The following TSPAN31 variants were observed in gnomAD, a reference collection of about 807,000 sequenced individuals.
The protein encoded by TSPAN31 is tetraspanin-31.
In TSPAN31, 16 loss-of-function variants were observed where a neutral mutation model predicts 24.8. The observed-to-expected ratio is 0.64, with a 90% CI of 0.44 to 0.98. TSPAN31 has a LOEUF of 0.98. Ranked by LOEUF, TSPAN31 falls within the 50% of genes least tolerant of loss-of-function variation. The pLI, the probability that TSPAN31 is intolerant of heterozygous loss-of-function variation, is 0.00. For synonymous variants in TSPAN31, 87 were observed against 91.4 expected (o/e 0.95, Z 0.27); for missense variants, 209 against 251.6 (o/e 0.83, Z 1.15).
chr12:57,745,874 G>C lies in TSPAN31; in HGVS notation c.193G>C (p.Val65Leu), dbSNP rs1565803219. The C allele has an allele frequency of 6.2e-7, 1 of 1,612,704 alleles. No homozygotes were observed. The highest frequency in any genetic ancestry group is 1.1e-5 in the South Asian group (1 of 90,986). ...FLLLIAVAGL[V>L]GAVNHHQVLL... Reference sequence around the variant, plus strand: ...TCTCCTTATTGCAGTGGCTGGACTGGTGGGTGCTGTCAACCACCACCAAGT... The same window carrying C: ...TCTCCTTATTGCAGTGGCTGGACTGCTGGGTGCTGTCAACCACCACCAAGT... The change falls in exon 2 of 6, where the codon GTG (valine) becomes CTG (leucine). Residue 65 changes from valine to leucine, a missense_variant. By Grantham distance (32) the Val-to-Leu change is conservative. Coordinates refer to ENST00000257910, the MANE Select transcript of TSPAN31 (RefSeq NM_005981.5).
At chr12:57,745,601 G>C (rs1271340338) in intron 1 of TSPAN31, 144 bp from the exon 2 acceptor site, 1 of 1,034,740 alleles carries the variant, frequency 9.7e-7, no homozygotes. Flanking sequence ...GGATGCTCCC[G>C]GTGCGGATAG....
In TSPAN31 at chr12:57,750,184, TAAATAAATAAA is replaced by T. The variant is rs1955218201; in HGVS notation, c.*2895_*2905del. On this transcript the variant is annotated 3_prime_UTR_variant, in exon 6 of 6. Coordinates refer to ENST00000257910, the MANE Select transcript of TSPAN31 (RefSeq NM_005981.5). ...ATAAATAAATAAATAAATAAATAAA[TAAATAAATAAA>T]TAAAAAATAAAGAGAATAAAGGGAT... is the stretch of plus-strand genomic sequence containing the variant. 6.7e-6 allele frequency: 1 copy of T among 149,520 alleles called. No individual in the cohort carries two copies. The highest frequency in any genetic ancestry group is 1.5e-5 in the Non-Finnish European group (1 of 67,422). 9.3% of individuals were successfully genotyped at this position (149,520 alleles called of 1,614,324 possible).
chr12:57,748,505 C>G lies in TSPAN31; in HGVS notation c.*1215C>G. The G allele has an allele frequency of 6.4e-7, 1 of 1,571,216 alleles. No homozygotes were observed. The highest frequency in any genetic ancestry group is 2.2e-5 in the East Asian group (1 of 44,624). ...GGGAAATGGCAGCTTTTCTTCCTTC[C>G]ATGGCAGCCACTCCATTGCTCACTC... On this transcript the variant is annotated 3_prime_UTR_variant, in exon 6 of 6. Coordinates refer to ENST00000257910, the MANE Select transcript of TSPAN31 (RefSeq NM_005981.5).
Position 57,747,341 on chromosome 12 carries a change from C to G in TSPAN31, c.*51C>G, listed in dbSNP as rs1300749850. 6.4e-7 allele frequency: 1 copy of G among 1,554,620 alleles called. No individual in the cohort carries two copies. Among genetic ancestry groups the G allele is most frequent in the Non-Finnish European group, 8.9e-7 (1 of 1,128,310 alleles). On this transcript the variant is annotated 3_prime_UTR_variant, in exon 6 of 6. Coordinates refer to ENST00000257910, the MANE Select transcript of TSPAN31 (RefSeq NM_005981.5). ...TCTGCTCTCTCTAAGCTTTCTCTTC[C>G]TCCCTTAGGGAATATCTAGGGTCTG...
In TSPAN31 at chr12:57,749,512, G is replaced by T. The variant is rs536249985; in HGVS notation, c.*2222G>T. The T allele has an allele frequency of 6.2e-7, 1 of 1,613,872 alleles. No homozygotes were observed. Among genetic ancestry groups the T allele is most frequent in the Middle Eastern group, 1.6e-4 (1 of 6,062 alleles). On this transcript the variant is annotated 3_prime_UTR_variant, in exon 6 of 6. Coordinates refer to ENST00000257910, the MANE Select transcript of TSPAN31 (RefSeq NM_005981.5). ...TTTCCACAGAAGAGAGGCCTAAGGT[G>T]AGAAGGGATATAAGGTAGCAGTCAT...
chr12:57,745,415 G>A (rs1955135101), intron 1 of TSPAN31, 198 bp downstream of exon 1: 2 of 640,710 alleles, frequency 3.1e-6, no homozygotes, highest in South Asian at 1.9e-5. Flanking sequence ...TCTGAGGGTG[G>A]GGGAATGAAC....
In TSPAN31 at chr12:57,748,915, AG is replaced by A; in HGVS notation, c.*1627del. On this transcript the variant is annotated 3_prime_UTR_variant, in exon 6 of 6. Coordinates refer to ENST00000257910, the MANE Select transcript of TSPAN31 (RefSeq NM_005981.5). ...GAGACGAGGTTTCACCATGTTGGCC[AG>A]GCTGGTCTCGAACTCCTGACCTCAG... is the stretch of plus-strand genomic sequence containing the variant. 1 of 557,582 alleles carries A rather than the reference AG, an allele frequency of 1.8e-6. No homozygotes were observed. The highest frequency in any genetic ancestry group is 3.2e-6 in the Non-Finnish European group (1 of 312,306). The allele number at this position is 557,582 out of a possible 1,614,324, so 34.5% of individuals were successfully genotyped here. A position where few individuals can be genotyped will look rare whatever the true frequency, so the allele number is the denominator to read the frequency against.
intron 3 of TSPAN31, 24 bp downstream of exon 3, chr12:57,746,280 C>T (rs1409940999): frequency 6.2e-7 from 1 of 1,602,416 alleles, no homozygotes. Flanking sequence ...CTTTCAAGTA[C>T]TTACTTGCTT....
At chr12:57,745,960 G>A (rs11172318) in intron 2 of TSPAN31, 48 bp downstream of exon 2, 85,307 of 1,554,494 alleles carry the variant, frequency 0.055, 2,742 homozygotes, top group Non-Finnish European at 0.063. Flanking sequence ...TGGGAGGGCT[G>A]TCATCTAAGG....
chr12:57,745,356 G>C, intron 1 of TSPAN31, 139 bp downstream of exon 1: 1 of 950,798 alleles, frequency 1.1e-6, no homozygotes, highest in Non-Finnish European at 1.6e-6. Context: ...GGGAATTCCT[G>C]GGGACTTCCG....
In TSPAN31 at chr12:57,746,263, C is replaced by G; in HGVS notation, c.312+7C>G. ...TATTAACCGAAGCAAACAGGTAAGA[C>G]AGTACCCTTTCAAGTACTTACTTGC... On this transcript the variant is annotated splice_region_variant and intron_variant, in intron 3 of 5. Coordinates refer to ENST00000257910, the MANE Select transcript of TSPAN31 (RefSeq NM_005981.5). The G allele has an allele frequency of 6.2e-7, 1 of 1,612,062 alleles. No individual in the cohort carries two copies. Among genetic ancestry groups the G allele is most frequent in the Middle Eastern group, 1.7e-4 (1 of 6,056 alleles).
chr12:57,745,275 C>T, intron 1 of TSPAN31, 58 bp downstream of exon 1: 2 of 1,565,038 alleles, frequency 1.3e-6, no homozygotes, highest in Non-Finnish European at 8.7e-7. Context: ...GGGAGAATCT[C>T]TAGGGTACTT....
In TSPAN31 at chr12:57,747,014, T is replaced by G. The variant is rs1955163964; in HGVS notation, c.445-4T>G. 6.2e-7 allele frequency: 1 copy of G among 1,613,130 alleles called. No individual in the cohort carries two copies. The highest frequency in any genetic ancestry group is 1.7e-5 in the Admixed American group (1 of 59,964). On this transcript the variant is annotated splice_polypyrimidine_tract_variant and splice_region_variant and intron_variant, in intron 4 of 5. Coordinates refer to ENST00000257910, the MANE Select transcript of TSPAN31 (RefSeq NM_005981.5). Reference sequence around the variant, plus strand: ...ACTTTGCATTCTTCACGTTTTATCCTCAGATCTGCAAGAGCCAGAGCCCCA... The same window carrying G: ...ACTTTGCATTCTTCACGTTTTATCCGCAGATCTGCAAGAGCCAGAGCCCCA...
intron 2 of TSPAN31, 51 bp from the exon 3 acceptor site, chr12:57,746,125 A>T: frequency 6.5e-7 from 1 of 1,532,036 alleles, no homozygotes. Context: ...CAGTTATTAT[A>T]GATGAAACAT....
At position 57,749,260 on chromosome 12, in the gene TSPAN31, T is replaced by C. The variant is rs1595108773; in HGVS notation, c.*1970T>C. The C allele has an allele frequency of 6.2e-7, 1 of 1,614,058 alleles. No homozygotes were observed. On this transcript the variant is annotated 3_prime_UTR_variant, in exon 6 of 6. Coordinates refer to ENST00000257910, the MANE Select transcript of TSPAN31 (RefSeq NM_005981.5). ...GGCGGGGCCCTCTGGGGGGAAAGGC[T>C]CCACGGGGCAGGGATACATCTCGAG...
chr12:57,745,790 C>T lies in TSPAN31; in HGVS notation c.109C>T (p.Leu37=). Residue 37 remains leucine (L), a synonymous_variant, in exon 2 of 6, where the codon CTG becomes TTG. Coordinates refer to ENST00000257910, the MANE Select transcript of TSPAN31 (RefSeq NM_005981.5). ...TGGAGTGGCTGCTTGGGGCAAGGGCCTGGGTCTGGTGTCCAGCATCCACAT... is the reference window on the plus strand; with the variant it reads ...TGGAGTGGCTGCTTGGGGCAAGGGCTTGGGTCTGGTGTCCAGCATCCACAT... ...LIGVAAWGKG[L]GLVSSIHIIG... is the part of the protein sequence containing the mutation. The T allele has an allele frequency of 1.2e-6, 2 of 1,613,832 alleles. No homozygotes were observed. Among genetic ancestry groups the T allele is most frequent in the Non-Finnish European group, 8.5e-7 (1 of 1,179,948 alleles).
chr12:57,745,253 A>C (rs1336042392), intron 1 of TSPAN31, 36 bp downstream of exon 1: 1 of 1,599,140 alleles, frequency 6.3e-7, no homozygotes, highest in Non-Finnish European at 8.5e-7. Flanking sequence ...TTCAAGGCGG[A>C]AAGGCCCCGT....
chr12:57,749,265 G>C lies in TSPAN31; in HGVS notation c.*1975G>C, dbSNP rs370258992. 2 of 1,614,154 alleles carry C rather than the reference G, an allele frequency of 1.2e-6. No homozygotes were observed. The highest frequency in any genetic ancestry group is 2.2e-5 in the East Asian group (1 of 44,882). On this transcript the variant is annotated 3_prime_UTR_variant, in exon 6 of 6. Transcript: ENST00000257910. ...GGCCCTCTGGGGGGAAAGGCTCCAC[G>C]GGGCAGGGATACATCTCGAGGCCAG...
Position 57,750,121 on chromosome 12 carries a change from T to A in TSPAN31, c.*2831T>A, listed in dbSNP as rs959404122. 3 of 151,934 alleles carry A rather than the reference T, an allele frequency of 2.0e-5. No homozygotes were observed. The highest frequency in any genetic ancestry group is 7.3e-5 in the African/African-American group (3 of 41,094). The allele number at this position is 151,934 out of a possible 1,614,324, so 9.4% of individuals were successfully genotyped here. ...GTGAGCTGTAATTGGGCCACTGCAC[T>A]CCAGCCTGGGTGACAGAGTGAAACC... On this transcript the variant is annotated 3_prime_UTR_variant, in exon 6 of 6. Transcript: ENST00000257910.
Sources: gnomAD v4.1 joint callset for allele counts on GRCh38, gnomAD v4.1.1 for gene constraint, MANE v1.5 for transcripts, NCBI Gene and HGNC (gene_info 2026-07-23, HGNC 2026-07-21) for gene names.